SPAM1: variants seen among roughly 807,000 people sequenced by gnomAD.
The protein encoded by SPAM1 is hyaluronidase PH-20.
SPAM1 carries 22 observed loss-of-function variants against 29.6 expected under a neutral mutation model. That is an observed-to-expected ratio of 0.74 (90% confidence interval 0.53 to 1.06). SPAM1 has a LOEUF of 1.06. Ranked by LOEUF, SPAM1 falls within the 50% of genes least tolerant of loss-of-function variation. SPAM1 has a pLI of 0.00. For synonymous variants in SPAM1, 194 were observed against 204.6 expected (o/e 0.95, Z 0.44); for missense variants, 534 against 604.0 (o/e 0.88, Z 1.21).
rs374389441 is a variant in SPAM1 at position 123,944,944 on chromosome 7, A to G, written c.-318-4928A>G. On this transcript the variant is annotated intron_variant, in intron 1 of 4. Transcript: ENST00000682466. ...ATTATTCTAACCAATTATTTAGTGT[A>G]TAAGTGGGGTTTTAAAAATATTAAA... is the stretch of plus-strand genomic sequence containing the variant. Among the ~76,000 whole-genome samples the G allele has an allele frequency of 4.6e-5, 7 of 152,262 alleles. No homozygotes were observed. The South Asian group carries it at 1.2e-3, about 27-fold the overall frequency.
At position 123,954,368 on chromosome 7, in the gene SPAM1, C is replaced by G; in HGVS notation, c.798C>G (p.Asn266Lys). 3 of 1,613,482 alleles carry G rather than the reference C, an allele frequency of 1.9e-6. No homozygotes were observed. The highest frequency in any genetic ancestry group is 2.5e-6 in the Non-Finnish European group (3 of 1,179,648). ...STALYPSIYLNTQQSPVAATL... is the reference protein window; with the variant it reads ...STALYPSIYLKTQQSPVAATL... ...CTCTTTACCCATCCATTTATTTGAA[C>G]ACTCAGCAGTCTCCTGTAGCTGCTA... The change falls in exon 3 of 5, where the codon AAC becomes AAG. Residue 266 changes from asparagine (N) to lysine (K), a missense_variant. Asn to Lys is a moderately conservative substitution (Grantham distance 94, BLOSUM62 0). Transcript: ENST00000682466.
chr7:123,967,129 G>T (rs1384614544), intron 5 of SPAM1, among the ~76,000 whole-genome samples: 1 of 151,862 alleles, frequency 6.6e-6, no homozygotes, highest in African/African-American at 2.4e-5. Flanking sequence ...GGCAGCAGGG[G>T]GCAGTAAGAT....
intron 4 of SPAM1, among the ~76,000 whole-genome samples, chr7:123,957,870 C>T (rs1221611499): frequency 6.6e-6 from 1 of 151,926 alleles, no homozygotes; most frequent in African/African-American, 2.4e-5. Context: ...TAAAGTCAGC[C>T]AAGGTGGGTT....
intron 1 of SPAM1, among the ~76,000 whole-genome samples, chr7:123,933,802 T>C (rs1808164281): frequency 6.6e-6 from 1 of 152,120 alleles, no homozygotes; most frequent in Admixed American, 6.5e-5. Context: ...AAAGAAGACA[T>C]ACAAATGGCC....
chr7:123,959,729 T>C lies in SPAM1; in HGVS notation c.1290T>C (p.Ser430=). 6.2e-7 allele frequency: 1 copy of C among 1,613,320 alleles called. No individual in the cohort carries two copies. Among genetic ancestry groups the C allele is most frequent in the Non-Finnish European group, 8.5e-7 (1 of 1,179,568 alleles). ...CACTTGAAGACCTGGAGCAATTTTC[T>C]GAAAAATTTTATTGCAGCTGTTATA... ...KPTLEDLEQF[S]EKFYCSCYST... is the part of the protein sequence containing the mutation. Residue 430 remains serine (S), a synonymous_variant, in exon 5 of 5, where the codon TCT becomes TCC. Transcript: ENST00000682466.
chr7:123,937,964 T>C (rs1198855136), intron 1 of SPAM1, among the ~76,000 whole-genome samples: 13 of 152,218 alleles, frequency 8.5e-5, no homozygotes, highest in Non-Finnish European at 1.5e-4. Flanking sequence ...TGTTGTTTTG[T>C]GGCACAAGTA....
At chr7:123,942,366 C>A (rs550617503) in intron 1 of SPAM1, among the ~76,000 whole-genome samples, 2 of 152,214 alleles carry the variant, frequency 1.3e-5, no homozygotes, top group Admixed American at 6.5e-5. Context: ...GCCTCAGAGA[C>A]CTTTTTTCTA....
At chr7:123,942,883 T>G (rs189633082) in intron 1 of SPAM1, among the ~76,000 whole-genome samples, 85 of 152,310 alleles carry the variant, frequency 5.6e-4, no homozygotes, top group Non-Finnish European at 2.9e-5. Flanking sequence ...GTAAAATAAC[T>G]AGTGTCTACA....
chr7:123,937,212 C>G (rs148091874), intron 1 of SPAM1, among the ~76,000 whole-genome samples: 1 of 151,984 alleles, frequency 6.6e-6, no homozygotes, highest in Non-Finnish European at 1.5e-5. Flanking sequence ...TCTCATAGTT[C>G]GGAATAAATT....
At chr7:123,929,584 A>G (rs1808004000) in intron 1 of SPAM1, among the ~76,000 whole-genome samples, 1 of 152,082 alleles carries the variant, frequency 6.6e-6, no homozygotes, top group Non-Finnish European at 1.5e-5. Context: ...TTTTATTTTA[A>G]AAGATCTGCT....
At chr7:123,925,973 T>A (rs1030771831) in intron 1 of SPAM1, 2 of 152,232 alleles carry the variant, frequency 1.3e-5, no homozygotes, top group African/African-American at 4.8e-5. Context: ...CCTGATGCCA[T>A]AGGGTCTAAT....
At chr7:123,958,284 A>G (rs904466284) in intron 4 of SPAM1, among the ~76,000 whole-genome samples, 9 of 152,148 alleles carry the variant, frequency 5.9e-5, no homozygotes, top group Admixed American at 3.3e-4. Context: ...ACTGTTGATT[A>G]TGAAAAAAAG....
At chr7:123,962,184 T>C (rs1217512885), downstream of SPAM1, among the ~76,000 whole-genome samples, 2 of 152,018 alleles carry the variant, frequency 1.3e-5, no homozygotes, top group Admixed American at 6.6e-5. Flanking sequence ...CAGTGCTTGC[T>C]GTTTTTTGTC....
chr7:123,938,232 A>G (rs936585614), intron 1 of SPAM1, among the ~76,000 whole-genome samples: 1 of 152,132 alleles, frequency 6.6e-6, no homozygotes, highest in Non-Finnish European at 1.5e-5. Context: ...CTTTCCAAGC[A>G]ACTGGGACTA....
intron 1 of SPAM1, among the ~76,000 whole-genome samples, chr7:123,937,567 C>G (rs990663927): frequency 2.9e-5 from 4 of 138,744 alleles, no homozygotes; most frequent in South Asian, 2.4e-4. Flanking sequence ...CGCCACTGCA[C>G]TCCAGCCTGG....
At chr7:123,963,080 A>G (rs1584964545), downstream of SPAM1, among the ~76,000 whole-genome samples, 1 of 151,918 alleles carries the variant, frequency 6.6e-6, no homozygotes, top group African/African-American at 2.4e-5. Context: ...TATCATGTAC[A>G]TATATACCTT....
intron 5 of SPAM1, among the ~76,000 whole-genome samples, chr7:123,965,987 G>T (rs1178463243): frequency 6.6e-6 from 1 of 151,886 alleles, no homozygotes; most frequent in African/African-American, 2.4e-5. Flanking sequence ...GAACAACCTA[G>T]CAGAATGGGA....
At chr7:123,927,738 A>G (rs1807935448) in intron 1 of SPAM1, among the ~76,000 whole-genome samples, 1 of 152,198 alleles carries the variant, frequency 6.6e-6, no homozygotes, top group Non-Finnish European at 1.5e-5. Flanking sequence ...TAATGTATTG[A>G]ACAAGAGTGA....
chr7:123,952,286 T>G (rs1792118370), intron 2 of SPAM1, among the ~76,000 whole-genome samples: 2 of 152,128 alleles, frequency 1.3e-5, no homozygotes, highest in Non-Finnish European at 2.9e-5. Context: ...TATGGTGATC[T>G]CTTTAGAGTC....
Sources: gnomAD v4.1 joint callset for allele counts (sites outside exome capture counted in the v4.1 genomes callset) on GRCh38, gnomAD v4.1.1 for gene constraint, MANE v1.5 for transcripts, NCBI Gene and HGNC (gene_info 2026-07-23, HGNC 2026-07-21) for gene names.